The following LPCAT2 variants were observed in gnomAD, a reference collection of about 807,000 sequenced individuals.
LPCAT2 encodes 1-AGP acyltransferase 11.
LPCAT2 carries 58 observed loss-of-function variants against 64.7 expected under a neutral mutation model. The observed-to-expected ratio is 0.90, with a 90% CI of 0.73 to 1.12. The LOEUF is 1.12. Among genes scored for constraint, LPCAT2 ranks in the 50% most tolerant of loss-of-function variants. LPCAT2 has a pLI of 0.00. For synonymous variants in LPCAT2, 252 were observed against 245.3 expected, an observed-to-expected ratio of 1.03 and a Z score of -0.26; for missense variants, 579 against 669.8, an observed-to-expected ratio of 0.86 and a Z score of 1.50.
chr16:55,517,709 A>G (rs568127040), intron 1 of LPCAT2, among the ~76,000 whole-genome samples: 12 of 152,172 alleles, frequency 7.9e-5, no homozygotes, highest in Non-Finnish European at 1.5e-4. Flanking sequence ...CATGAGCACC[A>G]TATTTAATGA....
rs1392903669 is a variant in LPCAT2 at position 55,585,859 on chromosome 16, C to T, written c.*2761C>T. On this transcript the variant is annotated 3_prime_UTR_variant, in exon 14 of 14. Coordinates refer to ENST00000262134, the MANE Select transcript of LPCAT2 (RefSeq NM_017839.5). Reference sequence around the variant, plus strand: ...TTTGATTCCCAGAATCAAGAACTCTCCCCTTCAGACTATTACCGAATGCAA... The same window carrying T: ...TTTGATTCCCAGAATCAAGAACTCTTCCCTTCAGACTATTACCGAATGCAA... 6.6e-6 allele frequency: 1 copy of T among 152,174 alleles called. No homozygotes were observed. The highest frequency in any genetic ancestry group is 2.4e-5 in the African/African-American group (1 of 41,454). The allele number at this position is 152,174 out of a possible 1,614,324, so 9.4% of individuals were successfully genotyped here. A position where few individuals can be genotyped will look rare whatever the true frequency, so the allele number is the denominator to read the frequency against.
intron 13 of LPCAT2, among the ~76,000 whole-genome samples, 196 bp from the exon 14 acceptor site, chr16:55,582,718 T>C (rs1190357595): frequency 6.6e-6 from 1 of 152,190 alleles, no homozygotes; most frequent in Non-Finnish European, 1.5e-5. Flanking sequence ...AAAGAGTATG[T>C]ATATCTTCAA....
chr16:55,539,472 T>C (rs1963369846), intron 8 of LPCAT2: 2 of 152,208 alleles, frequency 1.3e-5, no homozygotes, highest in Non-Finnish European at 2.9e-5. Context: ...TTTGTGGACT[T>C]CAAATTTAGT....
At chr16:55,531,582 G>T (rs16945176) in intron 4 of LPCAT2, among the ~76,000 whole-genome samples, 6,943 of 152,220 alleles carry the variant, frequency 0.046, 190 homozygotes, top group Middle Eastern at 0.13. Flanking sequence ...GCAGAAGAAA[G>T]AATTTAATGT....
chr16:55,555,856 C>G (rs532334291), intron 11 of LPCAT2, among the ~76,000 whole-genome samples: 2 of 152,250 alleles, frequency 1.3e-5, no homozygotes, highest in African/African-American at 4.8e-5. Flanking sequence ...ACTCTGTCAC[C>G]CAGGCTGTAG....
intron 11 of LPCAT2, among the ~76,000 whole-genome samples, chr16:55,569,802 A>T (rs186661510): frequency 6.6e-6 from 1 of 152,342 alleles, no homozygotes; most frequent in East Asian, 1.9e-4. Context: ...AAGTAACCAA[A>T]TATTTAGCAT....
chr16:55,543,781 G>A (rs568964511), intron 8 of LPCAT2, among the ~76,000 whole-genome samples: 5 of 152,318 alleles, frequency 3.3e-5, no homozygotes, highest in Non-Finnish European at 4.4e-5. Flanking sequence ...TCATTTGACA[G>A]GAGAGGGCAC....
At chr16:55,571,342 C>A (rs1963767819) in intron 11 of LPCAT2, among the ~76,000 whole-genome samples, 1 of 152,124 alleles carries the variant, frequency 6.6e-6, no homozygotes, top group Non-Finnish European at 1.5e-5. Flanking sequence ...TGTGACTAAG[C>A]AGATGAAAGG....
At position 55,564,626 on chromosome 16, in the gene LPCAT2, A is replaced by G. The variant is rs549799887; in HGVS notation, c.1216-10005A>G. Among the ~76,000 whole-genome samples the G allele has an allele frequency of 1.5e-4, 23 of 152,122 alleles. No individual in the cohort carries two copies. In the South Asian group the frequency reaches 4.3e-3, roughly 29 times the overall value. ...GGTCTTTTCAACAAATAGTGCTGGG[A>G]AAATTATATATCCACATGCAAAAGA... On this transcript the variant is annotated intron_variant, in intron 11 of 13. Coordinates refer to ENST00000262134, the MANE Select transcript of LPCAT2 (RefSeq NM_017839.5).
At chr16:55,546,989 A>T (rs1327690523) in intron 9 of LPCAT2, among the ~76,000 whole-genome samples, 9 of 152,126 alleles carry the variant, frequency 5.9e-5, no homozygotes, top group African/African-American at 2.2e-4. Flanking sequence ...TCTATTAAAA[A>T]TACAAAAATT....
chr16:55,579,438 A>G (rs916132293), intron 13 of LPCAT2, among the ~76,000 whole-genome samples, 194 bp downstream of exon 13: 1 of 152,088 alleles, frequency 6.6e-6, no homozygotes, highest in Non-Finnish European at 1.5e-5. Flanking sequence ...TATGCTAGGC[A>G]CTCTTCTAAA....
intron 8 of LPCAT2, among the ~76,000 whole-genome samples, chr16:55,542,630 G>A (rs1221281538): frequency 6.6e-6 from 1 of 152,078 alleles, no homozygotes; most frequent in Non-Finnish European, 1.5e-5. Flanking sequence ...TAAGTAACAG[G>A]TCATACAGAA....
At chr16:55,544,237 G>GAA (rs5817016) in intron 8 of LPCAT2, among the ~76,000 whole-genome samples, 11 of 151,948 alleles carry the variant, frequency 7.2e-5, no homozygotes, top group Non-Finnish European at 1.3e-4. Flanking sequence ...GGTCCATTTG[G>GAA]AAAAAAATGG....
At chr16:55,574,495 C>T in intron 11 of LPCAT2, 136 bp from the exon 12 acceptor site, 8 of 643,662 alleles carry the variant, frequency 1.2e-5, no homozygotes, top group East Asian at 2.7e-5. Flanking sequence ...CTTGCTGTTC[C>T]TTCTTAGTGA....
chr16:55,519,343 A>G (rs1963059749), intron 1 of LPCAT2, among the ~76,000 whole-genome samples: 1 of 151,568 alleles, frequency 6.6e-6, no homozygotes, highest in African/African-American at 2.4e-5. Context: ...TACTAAAAAA[A>G]AAAAAAATAC....
At chr16:55,533,406 GTTTTT>G (rs11335464) in intron 6 of LPCAT2, among the ~76,000 whole-genome samples, 2 of 96,442 alleles carry the variant, frequency 2.1e-5, no homozygotes, top group Non-Finnish European at 2.0e-5. Context: ...TGTTTTTCGG[GTTTTT>G]TTTTTTTTTT....
chr16:55,585,522 G>T lies in LPCAT2; in HGVS notation c.*2424G>T, dbSNP rs571339230. On this transcript the variant is annotated 3_prime_UTR_variant, in exon 14 of 14. Transcript: ENST00000262134. ...TAAAGTAAGAATTACATTTTATTAA[G>T]TCAGTTAAATGCACCATGGCTTCAT... The T allele has an allele frequency of 6.6e-6, 1 of 152,214 alleles. No homozygotes were observed. Among genetic ancestry groups the T allele is most frequent in the South Asian group, 2.1e-4 (1 of 4,826 alleles). 9.4% of individuals were successfully genotyped at this position (152,214 alleles called of 1,614,324 possible). A position where few individuals can be genotyped will look rare whatever the true frequency, so the allele number is the denominator to read the frequency against.
intron 11 of LPCAT2, among the ~76,000 whole-genome samples, chr16:55,560,650 G>A (rs921405819): frequency 5.3e-5 from 8 of 151,974 alleles, no homozygotes; most frequent in Admixed American, 2.0e-4. Flanking sequence ...CAGACCTTTG[G>A]GTATCAAATT....
At chr16:55,551,322 TATC>T (rs1464185446) in intron 11 of LPCAT2, 3 of 106,326 alleles carry the variant, frequency 2.8e-5, no homozygotes, top group African/African-American at 9.1e-5. Flanking sequence ...TATAATAAAA[TATC>T]ATATCATATC....
Sources: gnomAD v4.1 joint callset for allele counts (sites outside exome capture counted in the v4.1 genomes callset) on GRCh38, gnomAD v4.1.1 for gene constraint, MANE v1.5 for transcripts, NCBI Gene and HGNC (gene_info 2026-07-23, HGNC 2026-07-21) for gene names.